Variants in SAG observed in about 807,000 individuals in gnomAD.
SAG encodes the protein S-antigen visual arrestin, also known as S-arrestin.
SAG carries 45 observed loss-of-function variants against 55.0 expected under a neutral mutation model. The ratio of observed to expected loss-of-function variants is 0.82; its 90% CI spans 0.64 to 1.05. The LOEUF (loss-of-function observed/expected upper bound fraction) is 1.05. Ranked by LOEUF, SAG falls within the 50% of genes least tolerant of loss-of-function variation. The probability of loss-of-function intolerance (pLI) is 0.00; values close to 1 mark genes in which losing one functional copy is unlikely to be tolerated. For missense variants in SAG, 455 were observed against 512.1 expected (o/e 0.89, Z 1.08); for synonymous variants, 189 against 197.4 (o/e 0.96, Z 0.36).
rs993812684 is a variant in SAG, at chr2:233,331,528, G to A, written c.734-112G>A. Reference sequence around the variant, plus strand: ...GAGAAAGCCTAGCCTTGGAAGTGGAGGGAAACCATCATCAGAGAGGAGAGA... The same window carrying A: ...GAGAAAGCCTAGCCTTGGAAGTGGAAGGAAACCATCATCAGAGAGGAGAGA... On this transcript the variant is annotated intron_variant, in intron 9 of 15. Coordinates refer to ENST00000409110, the MANE Select transcript of SAG (RefSeq NM_000541.5). 9.3e-6 allele frequency: 7 copies of A among 751,056 alleles called. No homozygotes were observed. The African/African-American group carries it at 1.2e-4, about 13-fold the overall frequency. 46.5% of individuals were successfully genotyped at this position (751,056 alleles called of 1,614,324 possible). A position where few individuals can be genotyped will look rare whatever the true frequency, so the allele number is the denominator to read the frequency against.
At chr2:233,339,505 T>C (rs1469949042) in intron 12 of SAG, among the ~76,000 whole-genome samples, 4 of 151,238 alleles carry the variant, frequency 2.6e-5, no homozygotes, top group Non-Finnish European at 5.9e-5. Flanking sequence ...AAGTAGAACA[T>C]GGGTCTATTT....
In SAG at chr2:233,328,493, A is replaced by T; in HGVS notation, c.528A>T (p.Leu176Phe). ...DKIPKKSSVR[L>F]LIRKVQHAPL... ...TTTCCCACAGGAGCTCCGTGCGATT[A>T]CTGATCCGCAAAGTACAGCATGCCC... Residue 176 changes from leucine to phenylalanine, a missense_variant, in exon 8 of 16, where the codon TTA becomes TTT. By Grantham distance (22) the Leu-to-Phe change is conservative. Coordinates refer to ENST00000409110, the MANE Select transcript of SAG (RefSeq NM_000541.5). The T allele has an allele frequency of 6.2e-7, 1 of 1,613,632 alleles. No homozygotes were observed.
intron 8 of SAG, 172 bp from the exon 9 acceptor site, chr2:233,329,321 G>A: frequency 1.7e-6 from 1 of 589,030 alleles, no homozygotes; most frequent in Non-Finnish European, 3.0e-6. Context: ...CAGATGGGTG[G>A]AATGTGTTTC....
At position 233,319,109 on chromosome 2, in the gene SAG, TA is replaced by T. The variant is rs1700303537; in HGVS notation, c.181+315del. 2 of 522,576 alleles carry T rather than the reference TA, an allele frequency of 3.8e-6. No individual in the cohort carries two copies. The highest frequency in any genetic ancestry group is 7.4e-6 in the Non-Finnish European group (2 of 269,256). The allele number at this position is 522,576 out of a possible 1,614,324, so 32.4% of individuals were successfully genotyped here. A position where few individuals can be genotyped will look rare whatever the true frequency, so the allele number is the denominator to read the frequency against. On this transcript the variant is annotated intron_variant, in intron 4 of 15. Coordinates refer to ENST00000409110, the MANE Select transcript of SAG (RefSeq NM_000541.5). This position sits in a 1 kb window ranked among gnomAD's most constrained non-coding sequence, Gnocchi z 4.4. ...GCCCCTGTTTCATGTACTTCTGTGC[TA>T]GGGGCAAACTCAGGAGGGTGCCTGG...
chr2:233,320,567 C>G, intron 4 of SAG, 63 bp from the exon 5 acceptor site: 1 of 1,324,672 alleles, frequency 7.5e-7, no homozygotes, highest in Non-Finnish European at 1.0e-6. Flanking sequence ...CTGCCCATTC[C>G]GTCAGTGGTG....
intron 14 of SAG, 138 bp from the exon 15 acceptor site, chr2:233,346,265 G>C: frequency 2.3e-6 from 2 of 856,272 alleles, no homozygotes; most frequent in Non-Finnish European, 3.9e-6. Flanking sequence ...TGAACTGCAT[G>C]TATCTAGGCC....
intron 12 of SAG, among the ~76,000 whole-genome samples, chr2:233,339,464 C>A (rs6742218): frequency 6.6e-6 from 1 of 151,560 alleles, no homozygotes; most frequent in African/African-American, 2.4e-5. Flanking sequence ...GGAAAATAAG[C>A]GTTTAAAAAG....
At position 233,316,089 on chromosome 2, in the gene SAG, G is replaced by A; in HGVS notation, c.90G>A (p.Leu30=). The change falls in exon 3 of 16, where the codon CTG becomes CTA. Residue 30 remains leucine, a synonymous_variant. Transcript: ENST00000409110. ...TCTTCTTGCAGGTGACCATCTACCT[G>A]GGGAACAGAGACTACATAGACCATG... is the stretch of plus-strand genomic sequence containing the variant. ...ISRDKSVTIY[L]GNRDYIDHVS... 6.3e-7 allele frequency: 1 copy of A among 1,594,698 alleles called. No individual in the cohort carries two copies. Among genetic ancestry groups the A allele is most frequent in the East Asian group, 2.3e-5 (1 of 44,362 alleles).
intron 3 of SAG, among the ~76,000 whole-genome samples, chr2:233,317,720 G>A (rs1700249209): frequency 6.6e-6 from 1 of 152,180 alleles, no homozygotes. Context: ...ACAATAGGAA[G>A]TGATTAAATA....
chr2:233,331,745 C>G, intron 10 of SAG, 33 bp downstream of exon 10: 1 of 1,495,586 alleles, frequency 6.7e-7, no homozygotes, highest in East Asian at 2.3e-5. Context: ...GTTTCCTGGG[C>G]GTCTCAGCCT....
rs1464407943 is a variant in SAG, at chr2:233,338,757, A to T, written c.1022+4A>T. 6.2e-7 allele frequency: 1 copy of T among 1,613,264 alleles called. No homozygotes were observed. The highest frequency in any genetic ancestry group is 1.1e-5 in the South Asian group (1 of 91,068). On this transcript the variant is annotated splice_donor_region_variant and intron_variant, in intron 12 of 15. Transcript: ENST00000409110. Reference sequence around the variant, plus strand: ...AGGTGAAGCTCACAGTGTCAGGGTAAGTGTCCCGGCACCAACCCTCGGGCT... The same window carrying T: ...AGGTGAAGCTCACAGTGTCAGGGTATGTGTCCCGGCACCAACCCTCGGGCT...
At chr2:233,322,082 G>A (rs1179361008) in intron 5 of SAG, among the ~76,000 whole-genome samples, 1 of 150,124 alleles carries the variant, frequency 6.7e-6, no homozygotes, top group Non-Finnish European at 1.5e-5. Context: ...AGCTACTTGA[G>A]AGGCTGAGGC....
chr2:233,314,461 A>G (rs951350626), intron 2 of SAG, among the ~76,000 whole-genome samples: 5 of 152,180 alleles, frequency 3.3e-5, no homozygotes, highest in East Asian at 1.9e-4. Context: ...CCCAGAAGCC[A>G]GAAGACCAGG....
rs201212807 is a variant in SAG at position 233,330,465 on chromosome 2, T to TTCCC, written c.733+898_733+901dup. ...GTGCAGACTAAGGAATTCTAGACTT[T>TTCCC]TCCCTCCCTCCCTTCCTTCCTTCCT... On this transcript the variant is annotated intron_variant, in intron 9 of 15. Coordinates refer to ENST00000409110, the MANE Select transcript of SAG (RefSeq NM_000541.5). Among the ~76,000 whole-genome samples, 147 of 129,074 alleles carry TTCCC rather than the reference T, an allele frequency of 1.1e-3. 2 individuals carry two copies. The highest frequency in any genetic ancestry group is 2.5e-3 in the Admixed American group (33 of 13,108). The allele number at this position is 129,074 out of a possible 152,430, so 84.7% of individuals were successfully genotyped here.
intron 3 of SAG, 136 bp from the exon 4 acceptor site, chr2:233,318,614 CT>C: frequency 1.3e-6 from 1 of 747,438 alleles, no homozygotes; most frequent in Non-Finnish European, 2.3e-6. Flanking sequence ...ACTTTTTTCC[CT>C]TTGCCTGACT....
At chr2:233,327,354 T>C (rs1700594141) in intron 7 of SAG, 157 bp downstream of exon 7, 1 of 536,978 alleles carries the variant, frequency 1.9e-6, no homozygotes. Flanking sequence ...GTTGATCATT[T>C]TTGGGGAAAA....
intron 3 of SAG, among the ~76,000 whole-genome samples, chr2:233,316,798 C>A (rs1330210269): frequency 6.6e-6 from 1 of 152,184 alleles, no homozygotes; most frequent in African/African-American, 2.4e-5. Flanking sequence ...GTATCATTAG[C>A]CACTAGGGAA....
chr2:233,328,331 A>G (rs997209596), intron 7 of SAG, 147 bp from the exon 8 acceptor site: 1 of 918,154 alleles, frequency 1.1e-6, no homozygotes, highest in Non-Finnish European at 1.6e-6. Flanking sequence ...TCAGGCTCTG[A>G]CCAGTGTCGT....
rs1700326768 is a variant in SAG at position 233,319,856 on chromosome 2, G to A, written c.182-774G>A. 1 of 985,676 alleles carries A rather than the reference G, an allele frequency of 1.0e-6. No homozygotes were observed. The highest frequency in any genetic ancestry group is 1.7e-5 in the African/African-American group (1 of 57,242). 61.1% of individuals were successfully genotyped at this position (985,676 alleles called of 1,614,324 possible). ...TGTTTCTTCTGAGTCAGCAGCGAAG[G>A]GCAGTTACCTTTGGGGCTTGCAGGC... On this transcript the variant is annotated intron_variant, in intron 4 of 15. Coordinates refer to ENST00000409110, the MANE Select transcript of SAG (RefSeq NM_000541.5). This position sits in a 1 kb window ranked among gnomAD's most constrained non-coding sequence, Gnocchi z 4.4.
Sources: allele counts gnomAD v4.1 joint callset (sites outside exome capture counted in the v4.1 genomes callset), GRCh38; gene constraint gnomAD v4.1.1; non-coding constraint Gnocchi (gnomAD v3.1); transcripts MANE v1.5; gene names NCBI Gene and HGNC (gene_info 2026-07-23, HGNC 2026-07-21).